The following STAU2 variants were observed in gnomAD, a reference collection of about 807,000 sequenced individuals.
STAU2 encodes the protein double-stranded RNA-binding protein Staufen homolog 2.
Under a neutral mutation model 65.9 loss-of-function variants are expected in STAU2, and 20 were observed. The ratio of observed to expected loss-of-function variants is 0.30; its 90% CI spans 0.21 to 0.44. STAU2 has a LOEUF of 0.44. Among genes scored for constraint, STAU2 ranks in the 20% least tolerant of loss-of-function variants. STAU2 has a pLI of 1.00. For missense variants in STAU2, 558 were observed against 683.9 expected, an observed-to-expected ratio of 0.82 and a Z score of 2.05; for synonymous variants, 232 against 233.9, an observed-to-expected ratio of 0.99 and a Z score of 0.07.
intron 13 of STAU2, among the ~76,000 whole-genome samples, chr8:73,476,852 G>T (rs1473750658): frequency 6.6e-6 from 1 of 152,172 alleles, no homozygotes; most frequent in Non-Finnish European, 1.5e-5. Flanking sequence ...ACAAACGCTC[G>T]TGAGAGCAGC....
At chr8:73,514,028 G>T (rs1167874058) in intron 13 of STAU2, among the ~76,000 whole-genome samples, 1 of 152,182 alleles carries the variant, frequency 6.6e-6, no homozygotes, top group Non-Finnish European at 1.5e-5. Flanking sequence ...GAGTCCTAAA[G>T]TTGCTGTTTT....
At chr8:73,644,097 G>C (rs1310357940) in intron 6 of STAU2, among the ~76,000 whole-genome samples, 1 of 152,144 alleles carries the variant, frequency 6.6e-6, no homozygotes, top group Non-Finnish European at 1.5e-5. Flanking sequence ...TGTATTCACT[G>C]ACCACAATGG....
intron 5 of STAU2, among the ~76,000 whole-genome samples, chr8:73,687,304 A>ATTTATAAATATAATTTATATTTATAT (rs1491174622): frequency 8.4e-6 from 1 of 119,702 alleles, no homozygotes; most frequent in African/African-American, 3.3e-5. Context: ...TTATATTTAT[A>ATTTATAAATATAATTTATATTTATAT]AATATAATTT....
At chr8:73,650,112 C>T (rs946069182) in intron 6 of STAU2, among the ~76,000 whole-genome samples, 1 of 151,574 alleles carries the variant, frequency 6.6e-6, no homozygotes, top group Non-Finnish European at 1.5e-5. Context: ...ATGGGGATAA[C>T]TGAATATCCA....
Position 73,673,937 on chromosome 8 carries a change from C to T in STAU2, c.275-695G>A, listed in dbSNP as rs182734729. On this transcript the variant is annotated intron_variant, in intron 5 of 14. Coordinates refer to ENST00000524300, the MANE Select transcript of STAU2 (RefSeq NM_001164380.2). ...CTATAAAAGGAGGAAGACTACTACA[C>T]ACCTTGCTTCTTTTATTTTACTTAA... 3.4e-4 allele frequency among the ~76,000 whole-genome samples: 51 copies of T among 152,082 alleles called. 1 individual carries two copies. The East Asian group carries it at 3.7e-3, about 11-fold the overall frequency.
At chr8:73,591,901 A>AAAAAAAAAAAAC (rs1810824878) in intron 11 of STAU2, among the ~76,000 whole-genome samples, 1 of 142,072 alleles carries the variant, frequency 7.0e-6, no homozygotes, top group Admixed American at 7.0e-5. Flanking sequence ...AAAAAAAAAA[A>AAAAAAAAAAAAC]AAAAAAAAAA....
At chr8:73,630,847 A>G (rs1021604439) in intron 6 of STAU2, among the ~76,000 whole-genome samples, 5 of 152,194 alleles carry the variant, frequency 3.3e-5, no homozygotes, top group Non-Finnish European at 4.4e-5. Flanking sequence ...TTGATATTCT[A>G]CAATGTTTCT....
intron 3 of STAU2, among the ~76,000 whole-genome samples, chr8:73,722,900 C>T (rs1821784193): frequency 6.6e-6 from 1 of 152,148 alleles, no homozygotes; most frequent in Non-Finnish European, 1.5e-5. Flanking sequence ...AATACCAAAA[C>T]ACTTCTAATA....
At chr8:73,591,613 A>C (rs941375239) in intron 11 of STAU2, among the ~76,000 whole-genome samples, 2 of 152,126 alleles carry the variant, frequency 1.3e-5, no homozygotes, top group African/African-American at 4.8e-5. Context: ...ATAAAGGGAA[A>C]TATCCAATAG....
chr8:73,522,535 A>C (rs1234309692), intron 13 of STAU2, among the ~76,000 whole-genome samples: 1 of 152,220 alleles, frequency 6.6e-6, no homozygotes, highest in Non-Finnish European at 1.5e-5. Context: ...AGCAATTGTA[A>C]ATCAGTGACC....
chr8:73,561,166 CACA>C (rs1453194404), intron 12 of STAU2, among the ~76,000 whole-genome samples: 2 of 152,232 alleles, frequency 1.3e-5, no homozygotes, highest in African/African-American at 2.4e-5. Flanking sequence ...AGGTTGACTT[CACA>C]ACAAGGGCAG....
chr8:73,690,681 ATAAAT>A (rs1483529150), intron 4 of STAU2, among the ~76,000 whole-genome samples: 1 of 152,226 alleles, frequency 6.6e-6, no homozygotes, highest in Non-Finnish European at 1.5e-5. Context: ...AATGTGGCAA[ATAAAT>A]TAACGATCGG....
intron 3 of STAU2, among the ~76,000 whole-genome samples, chr8:73,719,214 C>T (rs1285306404): frequency 6.6e-6 from 1 of 152,108 alleles, no homozygotes; most frequent in South Asian, 2.1e-4. Flanking sequence ...CCATCTTGGC[C>T]AACCTGGTGA....
chr8:73,641,859 T>G (rs898071810), intron 6 of STAU2, among the ~76,000 whole-genome samples: 1 of 152,230 alleles, frequency 6.6e-6, no homozygotes, highest in Non-Finnish European at 1.5e-5. Flanking sequence ...TAGAATTCTG[T>G]GAGACTAATT....
At chr8:73,641,177 G>A (rs954966649) in intron 6 of STAU2, among the ~76,000 whole-genome samples, 2 of 152,024 alleles carry the variant, frequency 1.3e-5, no homozygotes, top group Non-Finnish European at 2.9e-5. Flanking sequence ...GTGAAACCTC[G>A]TCTCTACAAA....
At chr8:73,426,654 G>T (rs1286501586) in intron 13 of STAU2, among the ~76,000 whole-genome samples, 1 of 151,934 alleles carries the variant, frequency 6.6e-6, no homozygotes, top group Non-Finnish European at 1.5e-5. Context: ...CTTTTTTTAC[G>T]GCCGAGTAGT....
chr8:73,691,198 G>A (rs1233730216), intron 4 of STAU2, among the ~76,000 whole-genome samples: 1 of 152,058 alleles, frequency 6.6e-6, no homozygotes, highest in Non-Finnish European at 1.5e-5. Context: ...AGAGGTAAAA[G>A]GTCAAACAAA....
intron 13 of STAU2, among the ~76,000 whole-genome samples, chr8:73,453,371 A>G (rs1439322610): frequency 2.0e-5 from 3 of 152,254 alleles, no homozygotes; most frequent in Admixed American, 6.5e-5. Context: ...TTAATCCCAA[A>G]CACGTGAATT....
intron 5 of STAU2, among the ~76,000 whole-genome samples, chr8:73,674,848 A>G (rs906894801): frequency 2.0e-5 from 3 of 151,992 alleles, no homozygotes; most frequent in South Asian, 2.1e-4. Flanking sequence ...CCTAACTGAA[A>G]ATATAGTCTT....
Sources: gnomAD v4.1 joint callset for allele counts (sites outside exome capture counted in the v4.1 genomes callset) on GRCh38, gnomAD v4.1.1 for gene constraint, MANE v1.5 for transcripts, NCBI Gene and HGNC (gene_info 2026-07-23, HGNC 2026-07-21) for gene names.